XYLB: variants seen among roughly 807,000 people sequenced by gnomAD.
XYLB encodes xylulose kinase.
A neutral mutation model predicts 78.7 loss-of-function variants in XYLB; 62 were observed. That is an observed-to-expected ratio of 0.79 (90% confidence interval 0.64 to 0.97). XYLB has a LOEUF of 0.97. Ranked by LOEUF, XYLB falls within the 50% of genes least tolerant of loss-of-function variation. The pLI, the probability that XYLB is intolerant of heterozygous loss-of-function variation, is 0.00. For missense variants in XYLB, 687 were observed against 676.8 expected (o/e 1.02, Z -0.17); for synonymous variants, 245 against 247.4 (o/e 0.99, Z 0.09).
rs1231687366 is a variant in XYLB, at chr3:38,346,936, C to T, written c.57+11C>T. 1.4e-6 allele frequency: 2 copies of T among 1,470,780 alleles called. No homozygotes were observed. Among genetic ancestry groups the T allele is most frequent in the African/African-American group, 1.5e-5 (1 of 68,700 alleles). 91.1% of individuals were successfully genotyped at this position (1,470,780 alleles called of 1,614,324 possible). A position where few individuals can be genotyped will look rare whatever the true frequency, so the allele number is the denominator to read the frequency against. Reference sequence around the variant, plus strand: ...TTCAGCACGCAGCAGGTACAGTCGCCTGGCCGCAGGGCCACGGGGCCGCCT... The same window carrying T: ...TTCAGCACGCAGCAGGTACAGTCGCTTGGCCGCAGGGCCACGGGGCCGCCT... On this transcript the variant is annotated intron_variant, in intron 1 of 18. Coordinates refer to ENST00000207870, the MANE Select transcript of XYLB (RefSeq NM_005108.4).
rs775117381 is a variant in XYLB at position 38,376,941 on chromosome 3, AT to A, written c.1145del (p.Ile382ThrfsTer30). ...NLGFYFDVME[I>X]TPEIIGRHRF... ...AGGTTTTTATTTTGATGTAATGGAG[AT>A]CACCCCTGAAATTATTGGACGTCAT... On this transcript the variant is annotated frameshift_variant, in exon 14 of 19. Transcript: ENST00000207870. LOFTEE classifies it high-confidence loss of function. 9 of 1,613,882 alleles carry A rather than the reference AT, an allele frequency of 5.6e-6. No individual in the cohort carries two copies. Among genetic ancestry groups the A allele is most frequent in the Non-Finnish European group, 4.2e-6 (5 of 1,179,928 alleles).
intron 15 of XYLB, 38 bp from the exon 16 acceptor site, chr3:38,395,467 C>G (rs1302121403): frequency 6.2e-7 from 1 of 1,607,300 alleles, no homozygotes; most frequent in Non-Finnish European, 8.5e-7. Flanking sequence ...CTTGGGAGAA[C>G]TGGCATAGCT....
chr3:38,363,858 A>G (rs1706106147), intron 4 of XYLB, among the ~76,000 whole-genome samples: 1 of 152,148 alleles, frequency 6.6e-6, no homozygotes, highest in East Asian at 1.9e-4. Context: ...CTGTGCTGGG[A>G]TCACTTTTCT....
intron 15 of XYLB, among the ~76,000 whole-genome samples, chr3:38,391,219 C>A (rs112874260): frequency 0.19 from 6,301 of 32,538 alleles, 260 homozygotes; most frequent in Non-Finnish European, 0.2. Flanking sequence ...ATCTCAAAAA[C>A]AACAACAACA....
chr3:38,438,061 A>T, the XYLB span, among the ~76,000 whole-genome samples: 1 of 151,890 alleles, frequency 6.6e-6, no homozygotes, highest in South Asian at 2.1e-4. Flanking sequence ...TCTCAAAAAA[A>T]TAAAAAATAA....
intron 7 of XYLB, among the ~76,000 whole-genome samples, chr3:38,367,570 C>T (rs1706330106): frequency 6.6e-6 from 1 of 152,200 alleles, no homozygotes; most frequent in Non-Finnish European, 1.5e-5. Flanking sequence ...GGTGAAAACC[C>T]TCCCTAAATT....
chr3:38,374,316 G>C (rs554731659), intron 10 of XYLB, 146 bp from the exon 11 acceptor site: 2 of 1,108,466 alleles, frequency 1.8e-6, no homozygotes, highest in Non-Finnish European at 2.6e-6. Context: ...CCTCCTGAGC[G>C]CTCAGCTCCC....
At chr3:38,368,746 C>T (rs1319217874) in intron 8 of XYLB, among the ~76,000 whole-genome samples, 1 of 152,110 alleles carries the variant, frequency 6.6e-6, no homozygotes, top group Non-Finnish European at 1.5e-5. Context: ...AGTGATGTGC[C>T]ATCACTTTTG....
chr3:38,452,930 G>A, the XYLB span: 1 of 152,164 alleles, frequency 6.6e-6, no homozygotes, highest in Admixed American at 6.6e-5. Flanking sequence ...GCCAAGTCAA[G>A]AGAAGACAGA....
chr3:38,362,789 G>C (rs554423970), intron 3 of XYLB, 148 bp from the exon 4 acceptor site: 164 of 517,148 alleles, frequency 3.2e-4, no homozygotes, highest in Non-Finnish European at 4.9e-4. Flanking sequence ...ATGTACTCTA[G>C]TGCTTACAAA....
rs565556068 is a variant in XYLB, at chr3:38,412,417, A to C, written c.1534-519A>C. On this transcript the variant is annotated intron_variant, in intron 18 of 18. Transcript: ENST00000207870. ...TCCATTGAGAGGAGCACCTCCTGCC[A>C]CTGTGTTTCTCCAGGCTGTCTTCCC... is the stretch of plus-strand genomic sequence containing the variant. Among the ~76,000 whole-genome samples, 4 of 152,176 alleles carry C rather than the reference A, an allele frequency of 2.6e-5. No homozygotes were observed. In the South Asian group the frequency reaches 8.3e-4, roughly 32 times the overall value.
chr3:38,350,255 C>T (rs1480339622), intron 2 of XYLB, among the ~76,000 whole-genome samples: 2 of 152,202 alleles, frequency 1.3e-5, no homozygotes, highest in African/African-American at 2.4e-5. Context: ...AGCCATCTTG[C>T]TTTCTCACAT....
chr3:38,366,753 A>G, intron 6 of XYLB, 55 bp from the exon 7 acceptor site: 1 of 1,198,146 alleles, frequency 8.3e-7, no homozygotes, highest in South Asian at 1.2e-5. Flanking sequence ...TTGTGGAGGT[A>G]ATTGTTCATT....
At chr3:38,437,944 C>A in the XYLB span, among the ~76,000 whole-genome samples, 2 of 152,176 alleles carry the variant, frequency 1.3e-5, no homozygotes, top group African/African-American at 4.8e-5. Context: ...GTGGTGTGCA[C>A]CTGTAGTCCC....
the XYLB span, among the ~76,000 whole-genome samples, chr3:38,448,635 G>C: frequency 1.3e-5 from 2 of 152,170 alleles, no homozygotes; most frequent in African/African-American, 4.8e-5. Flanking sequence ...CTGAGTGTCA[G>C]ATTGATAGAA....
intron 15 of XYLB, among the ~76,000 whole-genome samples, chr3:38,379,759 T>TG (rs1559596728): frequency 1.3e-5 from 2 of 152,242 alleles, no homozygotes; most frequent in African/African-American, 4.8e-5. Flanking sequence ...GGACACAGTC[T>TG]GGGTCTTTCA....
At chr3:38,410,000 C>T (rs909432674) in intron 18 of XYLB, among the ~76,000 whole-genome samples, 1 of 152,124 alleles carries the variant, frequency 6.6e-6, no homozygotes, top group African/African-American at 2.4e-5. Flanking sequence ...ATCAAGCTAC[C>T]AATGACTTTC....
chr3:38,422,510 A>G (rs903204866), downstream of XYLB, among the ~76,000 whole-genome samples: 3 of 152,190 alleles, frequency 2.0e-5, no homozygotes, highest in Admixed American at 6.5e-5. Flanking sequence ...CGTTTCAATC[A>G]TTTCTCTACA....
At chr3:38,357,453 C>T (rs1249435284) in intron 2 of XYLB, among the ~76,000 whole-genome samples, 6 of 149,828 alleles carry the variant, frequency 4.0e-5, no homozygotes, top group African/African-American at 1.2e-4. Context: ...GTGGCGTGAT[C>T]TCGGCTCACT....
Sources: gnomAD v4.1 joint callset for allele counts (sites outside exome capture counted in the v4.1 genomes callset) on GRCh38, gnomAD v4.1.1 for gene constraint, MANE v1.5 for transcripts, NCBI Gene and HGNC (gene_info 2026-07-23, HGNC 2026-07-21) for gene names.